CDK14: variants seen among roughly 807,000 people sequenced by gnomAD.
The protein encoded by CDK14 is cyclin-dependent kinase 14.
CDK14 carries 34 observed loss-of-function variants against 60.7 expected under a neutral mutation model. The ratio of observed to expected loss-of-function variants is 0.56; its 90% confidence interval spans 0.43 to 0.75. CDK14 has a LOEUF of 0.75. Among genes scored for constraint, CDK14 ranks in the 30% least tolerant of loss-of-function variants. The pLI is 0.00. For missense variants in CDK14, 482 were observed against 564.1 expected (o/e 0.85, Z 1.47); for synonymous variants, 197 against 203.7 (o/e 0.97, Z 0.28).
In CDK14 at chr7:90,973,551, C is replaced by T. The variant is rs1417731659; in HGVS notation, c.948-10597C>T. Among the ~76,000 whole-genome samples the T allele has an allele frequency of 5.9e-5, 9 of 152,200 alleles. No individual in the cohort carries two copies. In the East Asian group the frequency reaches 9.7e-4, roughly 16 times the overall value. On this transcript the variant is annotated intron_variant, in intron 9 of 14. Coordinates refer to ENST00000380050, the MANE Select transcript of CDK14 (RefSeq NM_001287135.2). ...TACTGATATTGAGCCAAACTTTTAT[C>T]GGGGGGACCAGCCCACAATATTTCA...
intron 10 of CDK14, among the ~76,000 whole-genome samples, chr7:91,038,027 G>A (rs1321645623): frequency 6.6e-6 from 1 of 152,158 alleles, no homozygotes; most frequent in Non-Finnish European, 1.5e-5. Flanking sequence ...CTGAGCAGTC[G>A]CTGCTCTCTG....
At chr7:90,876,188 C>T (rs1244850151) in intron 6 of CDK14, among the ~76,000 whole-genome samples, 1 of 152,124 alleles carries the variant, frequency 6.6e-6, no homozygotes, top group Non-Finnish European at 1.5e-5. Flanking sequence ...TTGAGAAACC[C>T]TCAATGCCAG....
In CDK14 at chr7:91,182,130, A is replaced by G. The variant is rs1008238899; in HGVS notation, c.*29-25035A>G. 6.6e-5 allele frequency among the ~76,000 whole-genome samples: 10 copies of G among 152,076 alleles called. 1 individual carries two copies. Among genetic ancestry groups the G allele is most frequent in the Non-Finnish European group, 1.3e-4 (9 of 67,994 alleles). ...CACTGGAAATTATGGCTAATGGATT[A>G]CTCATCTGCTTTATCCCACACTGCA... On this transcript the variant is annotated intron_variant, in intron 14 of 14. Transcript: ENST00000380050.
intron 4 of CDK14, among the ~76,000 whole-genome samples, chr7:90,774,427 AC>A (rs1428584224): frequency 6.6e-6 from 1 of 152,180 alleles, no homozygotes. Context: ...TTTAGAACAG[AC>A]CTTTAGATTC....
At chr7:90,649,810 A>G (rs1396822926) in intron 2 of CDK14, among the ~76,000 whole-genome samples, 1 of 152,090 alleles carries the variant, frequency 6.6e-6, no homozygotes, top group Admixed American at 6.5e-5. Flanking sequence ...TTATGGCTGC[A>G]TAGTATTCCA....
chr7:90,740,880 A>G lies in CDK14; in HGVS notation c.370-6801A>G, dbSNP rs1050508855. 2.6e-5 allele frequency among the ~76,000 whole-genome samples: 4 copies of G among 152,168 alleles called. 1 individual carries two copies. Among genetic ancestry groups the G allele is most frequent in the Non-Finnish European group, 2.9e-5 (2 of 68,032 alleles). Reference sequence around the variant, plus strand: ...AGATGACTTTAAGGCAAAATATTTAATTGAAATTCAGTGTATGGTCTTGGG... The same window carrying G: ...AGATGACTTTAAGGCAAAATATTTAGTTGAAATTCAGTGTATGGTCTTGGG... On this transcript the variant is annotated intron_variant, in intron 3 of 14. Coordinates refer to ENST00000380050, the MANE Select transcript of CDK14 (RefSeq NM_001287135.2).
chr7:91,022,414 T>TCTC (rs138974994), intron 10 of CDK14, among the ~76,000 whole-genome samples: 40,302 of 152,052 alleles, frequency 0.27, 5,551 homozygotes, highest in South Asian at 0.33. Context: ...GTGGCATTCT[T>TCTC]CTCCAAAAAT....
At chr7:90,667,320 C>A (rs1801001995) in intron 2 of CDK14, among the ~76,000 whole-genome samples, 1 of 152,090 alleles carries the variant, frequency 6.6e-6, no homozygotes, top group Non-Finnish European at 1.5e-5. Context: ...GAAATTTATT[C>A]TTTTAATGCA....
chr7:90,926,369 G>A (rs1793415424), intron 8 of CDK14, among the ~76,000 whole-genome samples: 1 of 152,152 alleles, frequency 6.6e-6, no homozygotes, highest in Non-Finnish European at 1.5e-5. Flanking sequence ...AGACTAGTAG[G>A]AAACCTTGTT....
intron 2 of CDK14, among the ~76,000 whole-genome samples, chr7:90,699,183 A>G (rs1023968267): frequency 2.0e-5 from 3 of 152,224 alleles, no homozygotes; most frequent in African/African-American, 7.2e-5. Context: ...AGTGACTGAG[A>G]AAATGAGTCT....
chr7:90,909,610 A>G (rs1480906589), intron 7 of CDK14, among the ~76,000 whole-genome samples: 1 of 151,990 alleles, frequency 6.6e-6, no homozygotes, highest in African/African-American at 2.4e-5. Context: ...CTGCCTGCTC[A>G]TTGTGGGCAC....
chr7:91,010,753 C>T (rs1584228195), intron 10 of CDK14, among the ~76,000 whole-genome samples: 1 of 146,296 alleles, frequency 6.8e-6, no homozygotes, highest in Non-Finnish European at 1.5e-5. Flanking sequence ...TCTTTCCTTC[C>T]TTCTTTCTTT....
At chr7:90,682,072 A>G (rs148144732) in intron 2 of CDK14, among the ~76,000 whole-genome samples, 45 of 152,270 alleles carry the variant, frequency 3.0e-4, no homozygotes, top group African/African-American at 1.1e-3. Context: ...CTTTACCTGT[A>G]TCTGCATTAA....
At chr7:90,681,375 A>T (rs1386258019) in intron 2 of CDK14, among the ~76,000 whole-genome samples, 1 of 152,188 alleles carries the variant, frequency 6.6e-6, no homozygotes, top group Non-Finnish European at 1.5e-5. Context: ...TATTTCCATT[A>T]CAGGCTTGGT....
chr7:90,880,355 C>G (rs956941142), intron 6 of CDK14, among the ~76,000 whole-genome samples: 1 of 152,196 alleles, frequency 6.6e-6, no homozygotes, highest in Non-Finnish European at 1.5e-5. Context: ...AGCCGTAACC[C>G]ATCCTTCCTC....
chr7:91,193,398 T>G (rs2115952097), intron 14 of CDK14, among the ~76,000 whole-genome samples: 1 of 152,318 alleles, frequency 6.6e-6, no homozygotes, highest in Non-Finnish European at 1.5e-5. Context: ...GGTTAAGAAT[T>G]ATCACAATCT....
intron 2 of CDK14, among the ~76,000 whole-genome samples, chr7:90,657,109 C>T (rs1274778117): frequency 6.6e-6 from 1 of 152,134 alleles, no homozygotes; most frequent in African/African-American, 2.4e-5. Context: ...TCCTGTTTCT[C>T]ATTTATGTAA....
At chr7:90,600,922 G>T (rs139326215) in intron 1 of CDK14, among the ~76,000 whole-genome samples, 2 of 152,208 alleles carry the variant, frequency 1.3e-5, no homozygotes, top group African/African-American at 4.8e-5. Context: ...TGTTCTGACA[G>T]TCAGATCGAC....
intron 8 of CDK14, among the ~76,000 whole-genome samples, chr7:90,932,595 G>A (rs1273613502): frequency 6.6e-6 from 1 of 152,188 alleles, no homozygotes; most frequent in Non-Finnish European, 1.5e-5. Flanking sequence ...TTTGGACTCT[G>A]TGGAACATAA....
Sources: gnomAD v4.1 joint callset for allele counts (sites outside exome capture counted in the v4.1 genomes callset) on GRCh38, gnomAD v4.1.1 for gene constraint, MANE v1.5 for transcripts, NCBI Gene and HGNC (gene_info 2026-07-23, HGNC 2026-07-21) for gene names.